The following LIMCH1 variants were observed in gnomAD, a reference collection of about 807,000 sequenced individuals.
The protein encoded by LIMCH1 is LIM and calponin homology domains 1.
A neutral mutation model predicts 176.5 loss-of-function variants in LIMCH1; 113 were observed. That is an observed-to-expected ratio of 0.64 (90% confidence interval 0.55 to 0.75). LIMCH1 has a LOEUF of 0.75. Among genes scored for constraint, LIMCH1 ranks in the 30% least tolerant of loss-of-function variants. The pLI is 0.00. For missense variants in LIMCH1, 1,674 were observed against 1,814.9 expected (o/e 0.92, Z 1.41); for synonymous variants, 619 against 645.9 (o/e 0.96, Z 0.63).
chr4:41,435,948 A>T (rs190161512), intron 1 of LIMCH1, among the ~76,000 whole-genome samples: 14 of 152,302 alleles, frequency 9.2e-5, no homozygotes, highest in African/African-American at 3.4e-4. Flanking sequence ...CGTGACTCAA[A>T]TTGTCCCCTC....
At chr4:41,384,920 A>G (rs923021052) in intron 1 of LIMCH1, among the ~76,000 whole-genome samples, 10 of 152,230 alleles carry the variant, frequency 6.6e-5, no homozygotes, top group Non-Finnish European at 1.3e-4. Context: ...GAATTTAAGA[A>G]AAAAGTCTGA....
intron 18 of LIMCH1, among the ~76,000 whole-genome samples, chr4:41,657,006 A>G (rs1160140359): frequency 6.6e-6 from 1 of 152,014 alleles, no homozygotes; most frequent in Non-Finnish European, 1.5e-5. Context: ...GCCAGATGCC[A>G]GGTAGGCTTT....
chr4:41,538,230 A>T lies in LIMCH1; in HGVS notation c.-361A>T. ...GTGGTGACGACTGTTTTGGGAAAGG[A>T]AATGTAAGGGCATTTCGGCTGCTGT... On this transcript the variant is annotated 5_prime_UTR_variant, in exon 1 of 32. Coordinates refer to ENST00000503057, the MANE Select transcript of LIMCH1 (RefSeq NM_001330672.2). The T allele has an allele frequency of 1.0e-6, 1 of 985,566 alleles. No homozygotes were observed. The highest frequency in any genetic ancestry group is 1.2e-6 in the Non-Finnish European group (1 of 830,042). 61.1% of individuals were successfully genotyped at this position (985,566 alleles called of 1,614,324 possible).
intron 2 of LIMCH1, among the ~76,000 whole-genome samples, chr4:41,520,398 A>G (rs1003051887): frequency 6.6e-6 from 1 of 152,074 alleles, no homozygotes; most frequent in African/African-American, 2.4e-5. Flanking sequence ...CCTTTGTATC[A>G]TTCAACTTTT....
chr4:41,448,796 T>C (rs1261054766), intron 1 of LIMCH1, among the ~76,000 whole-genome samples: 1 of 152,160 alleles, frequency 6.6e-6, no homozygotes, highest in Non-Finnish European at 1.5e-5. Context: ...AGATGAACTT[T>C]GGCATCTGTA....
At chr4:41,414,437 C>T (rs563290056) in intron 1 of LIMCH1, among the ~76,000 whole-genome samples, 1 of 152,350 alleles carries the variant, frequency 6.6e-6, no homozygotes, top group South Asian at 2.1e-4. Context: ...TTATAAGCCT[C>T]TAATGCCTGA....
rs6833770 is a variant in LIMCH1 at position 41,638,105 on chromosome 4, G to T, written c.2091-827G>T. ...GCATTTGTGGGAGCTGTGTTGTTTT[G>T]TTGTTGTTGTTGTTGTTGTTGTTGT... is the stretch of plus-strand genomic sequence containing the variant. On this transcript the variant is annotated intron_variant, in intron 13 of 31. Coordinates refer to ENST00000503057, the MANE Select transcript of LIMCH1 (RefSeq NM_001330672.2). 3.9e-3 allele frequency among the ~76,000 whole-genome samples: 262 copies of T among 67,852 alleles called. 2 individuals are homozygous for T. The highest frequency in any genetic ancestry group is 0.021 in the African/African-American group (253 of 11,986). The allele number at this position is 67,852 out of a possible 152,430, so 44.5% of individuals were successfully genotyped here. A position where few individuals can be genotyped will look rare whatever the true frequency, so the allele number is the denominator to read the frequency against.
chr4:41,402,085 G>A (rs540430943), intron 1 of LIMCH1, among the ~76,000 whole-genome samples: 37 of 152,276 alleles, frequency 2.4e-4, no homozygotes, highest in Non-Finnish European at 5.0e-4. Context: ...TAGGAGTGGT[G>A]AGAGAGGGCA....
At chr4:41,587,005 TTAAG>T (rs1488102178) in intron 1 of LIMCH1, among the ~76,000 whole-genome samples, 2 of 152,216 alleles carry the variant, frequency 1.3e-5, no homozygotes, top group Non-Finnish European at 2.9e-5. Flanking sequence ...GCAGAGTTAA[TTAAG>T]TAATGTATGC....
chr4:41,428,206 T>A (rs2061291932), intron 1 of LIMCH1, among the ~76,000 whole-genome samples: 1 of 152,104 alleles, frequency 6.6e-6, no homozygotes. Context: ...GTAAAGAACA[T>A]GAACTCTGAG....
intron 2 of LIMCH1, 48 bp downstream of exon 2, chr4:41,599,074 A>G (rs1310032042): frequency 8.7e-7 from 1 of 1,147,150 alleles, no homozygotes; most frequent in Admixed American, 1.8e-5. Flanking sequence ...TTATAGTTTG[A>G]TTTGCAATTT....
At chr4:41,629,309 G>A (rs569896238) in intron 8 of LIMCH1, among the ~76,000 whole-genome samples, 183 bp from the exon 9 acceptor site, 1 of 152,330 alleles carries the variant, frequency 6.6e-6, no homozygotes, top group African/African-American at 2.4e-5. Context: ...GTTGTAATAA[G>A]GGTGGTATAG....
chr4:41,669,562 G>A (rs2094944390), intron 21 of LIMCH1, among the ~76,000 whole-genome samples: 1 of 152,172 alleles, frequency 6.6e-6, no homozygotes. Context: ...GTTCCCAGGT[G>A]ATGCTCATGC....
chr4:41,386,080 A>G (rs1247007325), intron 1 of LIMCH1: 2 of 152,234 alleles, frequency 1.3e-5, no homozygotes, highest in Non-Finnish European at 2.9e-5. Flanking sequence ...TGATACATTG[A>G]TTAATAGTAA....
chr4:41,396,565 C>T (rs2057822398), intron 1 of LIMCH1, among the ~76,000 whole-genome samples: 1 of 151,870 alleles, frequency 6.6e-6, no homozygotes, highest in Non-Finnish European at 1.5e-5. Flanking sequence ...TGTTTTTGCA[C>T]CTGACTTTGA....
chr4:41,652,356 G>T (rs867993177), intron 18 of LIMCH1, among the ~76,000 whole-genome samples: 1 of 152,086 alleles, frequency 6.6e-6, no homozygotes, highest in Non-Finnish European at 1.5e-5. Flanking sequence ...TCTCACCATG[G>T]TAACACGTTT....
intron 20 of LIMCH1, 111 bp downstream of exon 20, chr4:41,663,095 C>T (rs2094685961): frequency 1.0e-6 from 1 of 990,260 alleles, no homozygotes; most frequent in Non-Finnish European, 1.5e-6. Context: ...TTTCTCTCCT[C>T]ATCTTTTTTC....
intron 2 of LIMCH1, among the ~76,000 whole-genome samples, chr4:41,522,088 C>T (rs537726008): frequency 2.4e-4 from 37 of 152,028 alleles, no homozygotes; most frequent in Non-Finnish European, 4.4e-4. Context: ...TTCTACTTTG[C>T]CTAATTAACA....
intron 2 of LIMCH1, among the ~76,000 whole-genome samples, chr4:41,514,411 A>G (rs1028283719): frequency 2.0e-5 from 3 of 152,166 alleles, no homozygotes; most frequent in Non-Finnish European, 4.4e-5. Context: ...TTAGGCCACA[A>G]AGGAGTGAGA....
Sources: gnomAD v4.1 joint callset for allele counts (sites outside exome capture counted in the v4.1 genomes callset) on GRCh38, gnomAD v4.1.1 for gene constraint, MANE v1.5 for transcripts, NCBI Gene and HGNC (gene_info 2026-07-23, HGNC 2026-07-21) for gene names.